The following NF1 variants were observed in gnomAD, a reference collection of about 807,000 sequenced individuals.
The protein encoded by NF1 is neurofibromin.
A neutral mutation model predicts 325.7 loss-of-function variants in NF1; 122 were observed. The observed-to-expected ratio is 0.37, with a 90% CI of 0.32 to 0.44. NF1 has a LOEUF of 0.44. NF1 is among the 20% of genes least tolerant of loss of function. The pLI is 1.00. For missense variants in NF1, 2,140 were observed against 3,415.4 expected, an observed-to-expected ratio of 0.63 and a Z score of 9.31; for synonymous variants, 1,091 against 1,186.0, an observed-to-expected ratio of 0.92 and a Z score of 1.65.
intron 1 of NF1, among the ~76,000 whole-genome samples, chr17:31,111,084 T>A (rs1014904148): frequency 1.3e-5 from 2 of 152,000 alleles, no homozygotes; most frequent in Admixed American, 6.6e-5. Flanking sequence ...AACCCCCCCA[T>A]TAATAATTAA....
rs184726870 is a variant in NF1, at chr17:31,162,516, C to T, written c.289-670C>T. Among the ~76,000 whole-genome samples the T allele has an allele frequency of 2.1e-3, 317 of 152,158 alleles. 2 individuals carry two copies. Among genetic ancestry groups the T allele is most frequent in the African/African-American group, 7.4e-3 (309 of 41,510 alleles). On this transcript the variant is annotated intron_variant, in intron 3 of 57. Coordinates refer to ENST00000358273, the MANE Select transcript of NF1 (RefSeq NM_001042492.3). ...TTGGATCCTTATTGAATAAAAATGC[C>T]TATGAAAGACATTTTGGGGGCAGTG...
At position 31,295,222 on chromosome 17, in the gene NF1, T is replaced by G. The variant is rs145223469; in HGVS notation, c.4835+29883T>G. 831 of 1,614,106 alleles carry G rather than the reference T, an allele frequency of 5.1e-4. 5 individuals carry two copies. In the African/African-American group the frequency reaches 9.2e-3, roughly 18 times the overall value. On this transcript the variant is annotated intron_variant, in intron 36 of 57. Coordinates refer to ENST00000358273, the MANE Select transcript of NF1 (RefSeq NM_001042492.3). ...TCATGGGTGTTGGGGATGATTTTGT[T>G]GAGCTAGTGAGGCTTGTGTTTGTGA...
intron 36 of NF1, among the ~76,000 whole-genome samples, chr17:31,290,960 C>T (rs541671386): frequency 3.3e-5 from 5 of 149,920 alleles, no homozygotes; most frequent in South Asian, 2.1e-4. Flanking sequence ...GAGCCAAGAT[C>T]GCACCACTGC....
intron 4 of NF1, among the ~76,000 whole-genome samples, chr17:31,167,009 G>A (rs2065857845): frequency 6.6e-6 from 1 of 152,100 alleles, no homozygotes; most frequent in African/African-American, 2.4e-5. Context: ...GTTTTCTACT[G>A]TTCATTTCTT....
intron 8 of NF1, among the ~76,000 whole-genome samples, chr17:31,184,006 G>A (rs1170199652): frequency 6.6e-6 from 1 of 152,104 alleles, no homozygotes; most frequent in East Asian, 1.9e-4. Context: ...TCCCTCTAGA[G>A]AACCCTAATA....
At chr17:31,155,962 T>C in intron 1 of NF1, 21 bp from the exon 2 acceptor site, 1 of 1,610,928 alleles carries the variant, frequency 6.2e-7, no homozygotes, top group Non-Finnish European at 8.5e-7. Flanking sequence ...TTAACGTGTT[T>C]TTTTTTTCTT....
chr17:31,231,519 A>G (rs939281871), intron 24 of NF1, among the ~76,000 whole-genome samples: 4 of 152,142 alleles, frequency 2.6e-5, no homozygotes, highest in African/African-American at 9.7e-5. Context: ...CATGAACACT[A>G]AAATCCACAG....
chr17:31,187,483 A>G (rs117211260), intron 8 of NF1, among the ~76,000 whole-genome samples: 2 of 152,224 alleles, frequency 1.3e-5, no homozygotes, highest in South Asian at 2.1e-4. Flanking sequence ...GCATGAGCCA[A>G]TGTGCCTGGC....
chr17:31,272,573 G>T (rs1459646551), intron 36 of NF1: 1 of 152,230 alleles, frequency 6.6e-6, no homozygotes, highest in African/African-American at 2.4e-5. Flanking sequence ...TGAGATCTGG[G>T]CTTATCCCAG....
At position 31,218,867 on chromosome 17, in the gene NF1, C is replaced by T. The variant is rs2143984063; in HGVS notation, c.1528-138C>T. 4.6e-6 allele frequency: 4 copies of T among 877,186 alleles called. No individual in the cohort carries two copies. In the South Asian group the frequency reaches 4.8e-5, roughly 11 times the overall value. 54.3% of individuals were successfully genotyped at this position (877,186 alleles called of 1,614,324 possible). ...GCTTACAGGCGTGAACCACCGCGTC[C>T]AGCCTAGTTCTAGAACATTGTTATC... is the stretch of plus-strand genomic sequence containing the variant. On this transcript the variant is annotated intron_variant, in intron 13 of 57. Coordinates refer to ENST00000358273, the MANE Select transcript of NF1 (RefSeq NM_001042492.3).
At chr17:31,208,351 T>TG (rs1458603510) in intron 12 of NF1, among the ~76,000 whole-genome samples, 3 of 151,968 alleles carry the variant, frequency 2.0e-5, no homozygotes, top group African/African-American at 7.3e-5. Context: ...AAATAGCAAA[T>TG]GTAATATGAA....
At chr17:31,254,861 C>T (rs189833603) in intron 31 of NF1, among the ~76,000 whole-genome samples, 14 of 151,938 alleles carry the variant, frequency 9.2e-5, no homozygotes, top group Non-Finnish European at 1.8e-4. Context: ...ATTGGTAATT[C>T]GAGATATTTT....
intron 1 of NF1, 39 bp from the exon 2 acceptor site, chr17:31,155,938 TTAAGGA>T (rs1341295260): frequency 6.3e-7 from 1 of 1,593,260 alleles, no homozygotes; most frequent in South Asian, 1.1e-5. Flanking sequence ...ATGGTCGTTT[TTAAGGA>T]TAAGCTGTTA....
chr17:31,372,190 T>C (rs2070655100), intron 57 of NF1, among the ~76,000 whole-genome samples: 1 of 152,200 alleles, frequency 6.6e-6, no homozygotes, highest in Non-Finnish European at 1.5e-5. Flanking sequence ...AGGTAAAATA[T>C]ATTTTTTAGT....
At chr17:31,111,707 G>C (rs1913430626) in intron 1 of NF1, among the ~76,000 whole-genome samples, 1 of 152,140 alleles carries the variant, frequency 6.6e-6, no homozygotes, top group Admixed American at 6.5e-5. Flanking sequence ...ACAATCAAAA[G>C]CTGACAATTT....
At chr17:31,294,900 C>G in intron 36 of NF1, 1 of 1,441,826 alleles carries the variant, frequency 6.9e-7, no homozygotes, top group Non-Finnish European at 9.7e-7. Context: ...TTAAGACTGG[C>G]TTTCTTGAAT....
chr17:31,326,003 C>T lies in NF1; in HGVS notation c.5019C>T (p.Asn1673=), dbSNP rs767699634. 1.8e-5 allele frequency: 29 copies of T among 1,614,070 alleles called. No homozygotes were observed. Among genetic ancestry groups the T allele is most frequent in the Non-Finnish European group, 2.0e-5 (24 of 1,180,048 alleles). The stretch of plus-strand genomic sequence containing the variant: ...TTTTTCCTGGCTTTGCTTACGACAA[C>T]GTCTCCGCAGTCTATATCTATAACT... ...FVVFPGFAYD[N]VSAVYIYNCN... is the part of the protein sequence containing the mutation. Residue 1673 remains asparagine (N), a synonymous_variant, in exon 37 of 58, where the codon AAC becomes AAT. Transcript: ENST00000358273.
intron 1 of NF1, among the ~76,000 whole-genome samples, chr17:31,127,383 C>G (rs1340783644): frequency 6.6e-6 from 1 of 151,962 alleles, no homozygotes; most frequent in East Asian, 1.9e-4. Flanking sequence ...ATTGAGGCTT[C>G]CTATTTAAGA....
At chr17:31,309,585 A>G (rs995761957) in intron 36 of NF1, among the ~76,000 whole-genome samples, 1 of 152,218 alleles carries the variant, frequency 6.6e-6, no homozygotes, top group African/African-American at 2.4e-5. Flanking sequence ...ATGCTATGCA[A>G]AGCATCAGAA....
Sources: gnomAD v4.1 joint callset for allele counts (sites outside exome capture counted in the v4.1 genomes callset) on GRCh38, gnomAD v4.1.1 for gene constraint, MANE v1.5 for transcripts, NCBI Gene and HGNC (gene_info 2026-07-23, HGNC 2026-07-21) for gene names.